Variants in SLC6A16 observed in about 807,000 individuals in gnomAD.
The protein encoded by SLC6A16 is orphan sodium- and chloride-dependent neurotransmitter transporter NTT5.
In SLC6A16, 54 loss-of-function variants were observed where a neutral mutation model predicts 65.4. The ratio of observed to expected loss-of-function variants is 0.83; its 90% CI spans 0.66 to 1.04. The LOEUF (loss-of-function observed/expected upper bound fraction) is 1.04. Among genes scored for constraint, SLC6A16 ranks in the 50% least tolerant of loss-of-function variants. SLC6A16 has a pLI of 0.00. For missense variants in SLC6A16, 816 were observed against 914.0 expected (o/e 0.89, Z 1.38); for synonymous variants, 330 against 346.5 (o/e 0.95, Z 0.53).
intron 7 of SLC6A16, among the ~76,000 whole-genome samples, chr19:49,308,279 T>C (rs1180444989): frequency 6.6e-6 from 1 of 152,048 alleles, no homozygotes; most frequent in Non-Finnish European, 1.5e-5. Flanking sequence ...GGTGAAACCC[T>C]GTCTTTACTA....
chr19:49,290,292 C>T lies in SLC6A16; in HGVS notation c.2042G>A (p.Cys681Tyr). 6.2e-7 allele frequency: 1 copy of T among 1,613,962 alleles called. No individual in the cohort carries two copies. Among genetic ancestry groups the T allele is most frequent in the Non-Finnish European group, 8.5e-7 (1 of 1,180,020 alleles). The part of the protein sequence containing the change: ...ILPIPAYFVY[C>Y]RIHRIPFRPK... ...CCTGAAGGGAATCCTATGTATGCGG[C>T]AGTATACAAAGTATGCAGGGATGGG... The change falls in exon 12 of 12, where the codon TGC (cysteine) becomes TAC (tyrosine). Residue 681 changes from cysteine (C) to tyrosine (Y), a missense_variant. Cys to Tyr is a radical substitution (Grantham distance 194). Coordinates refer to ENST00000335875, the MANE Select transcript of SLC6A16 (RefSeq NM_014037.3).
the SLC6A16 span, chr19:49,335,822 CA>C: frequency 6.5e-7 from 1 of 1,530,054 alleles, no homozygotes; most frequent in South Asian, 1.1e-5. This position sits in a 1 kb window ranked among gnomAD's most constrained non-coding sequence, Gnocchi z 4.6. Context: ...GGGCCTCCCC[CA>C]ACCCAAGCAA....
intron 1 of SLC6A16, among the ~76,000 whole-genome samples, chr19:49,319,619 G>A (rs894739621): frequency 2.0e-5 from 3 of 151,732 alleles, no homozygotes; most frequent in Non-Finnish European, 4.4e-5. Flanking sequence ...AATAATAACT[G>A]GAGACTTTAA....
upstream of SLC6A16, among the ~76,000 whole-genome samples, chr19:49,330,206 G>A (rs1970835336): frequency 6.6e-6 from 1 of 152,176 alleles, no homozygotes; most frequent in Admixed American, 6.6e-5. Flanking sequence ...GTGTGCAGGA[G>A]GTGGGAGGGA....
Position 49,290,204 on chromosome 19 carries a change from T to A in SLC6A16, c.2130A>T (p.Thr710=). The change falls in exon 12 of 12, where the codon ACA becomes ACT. Residue 710 remains threonine, a synonymous_variant. Coordinates refer to ENST00000335875, the MANE Select transcript of SLC6A16 (RefSeq NM_014037.3). ...STSLPLSHQL[T]PSKEVQKEEI... The stretch of plus-strand genomic sequence containing the variant: ...CTTCCTTTTGAACCTCTTTACTGGG[T>A]GTTAGCTGGTGACTTAGGGGTAGGG... 6.2e-7 allele frequency: 1 copy of A among 1,614,082 alleles called. No homozygotes were observed. The highest frequency in any genetic ancestry group is 1.3e-5 in the African/African-American group (1 of 75,000).
chr19:49,316,170 C>T (rs1970610451), intron 1 of SLC6A16, among the ~76,000 whole-genome samples: 1 of 151,960 alleles, frequency 6.6e-6, no homozygotes, highest in Non-Finnish European at 1.5e-5. Flanking sequence ...AATAATAATG[C>T]CACTTATAAA....
chr19:49,317,684 T>C (rs1210173178), intron 1 of SLC6A16, among the ~76,000 whole-genome samples: 2 of 151,906 alleles, frequency 1.3e-5, no homozygotes, highest in Non-Finnish European at 1.5e-5. Context: ...CGGGCGCCTG[T>C]AGTCCCAGCT....
At chr19:49,339,899 A>C in the SLC6A16 span, 1 of 1,344,698 alleles carries the variant, frequency 7.4e-7, no homozygotes, top group South Asian at 1.6e-5. The surrounding 1 kb of genome is among the most constrained non-coding windows in gnomAD (Gnocchi z 4.5). Flanking sequence ...CTGTGGGTTC[A>C]AGACGAGGAC....
At chr19:49,294,592 C>A (rs1006401672) in intron 7 of SLC6A16, 39 bp from the exon 8 acceptor site, 1 of 1,523,464 alleles carries the variant, frequency 6.6e-7, no homozygotes, top group Non-Finnish European at 8.9e-7. Flanking sequence ...ACCATTTGGC[C>A]CAGTAGGAGA....
intron 7 of SLC6A16, among the ~76,000 whole-genome samples, chr19:49,296,651 A>T (rs1424481510): frequency 6.6e-6 from 1 of 152,208 alleles, no homozygotes; most frequent in Non-Finnish European, 1.5e-5. Flanking sequence ...TGAAATAGAT[A>T]TCTAAACAGA....
At chr19:49,306,682 A>G (rs989377878) in intron 7 of SLC6A16, among the ~76,000 whole-genome samples, 4 of 151,846 alleles carry the variant, frequency 2.6e-5, no homozygotes, top group Non-Finnish European at 5.9e-5. Flanking sequence ...AGCTGGGACT[A>G]CAGGTGTGTG....
At chr19:49,314,726 C>T (rs1416263096) in intron 1 of SLC6A16, among the ~76,000 whole-genome samples, 1 of 152,180 alleles carries the variant, frequency 6.6e-6, no homozygotes, top group Non-Finnish European at 1.5e-5. Context: ...AGCACAACAT[C>T]ATTTCTGTGG....
chr19:49,339,205 G>C, the SLC6A16 span: 1 of 841,838 alleles, frequency 1.2e-6, no homozygotes. This position sits in a 1 kb window ranked among gnomAD's most constrained non-coding sequence, Gnocchi z 4.5. Context: ...GGAGACTAGA[G>C]TGCCCTGGTG....
At chr19:49,309,894 C>T in intron 4 of SLC6A16, 68 bp from the exon 5 acceptor site, 1 of 1,561,310 alleles carries the variant, frequency 6.4e-7, no homozygotes, top group Non-Finnish European at 8.8e-7. Flanking sequence ...ATCCCCTCCC[C>T]CACCTCCCTT....
At chr19:49,304,121 T>A (rs1460852120) in intron 7 of SLC6A16, among the ~76,000 whole-genome samples, 1 of 152,178 alleles carries the variant, frequency 6.6e-6, no homozygotes, top group Non-Finnish European at 1.5e-5. Context: ...CAAATATGAA[T>A]GATTGATCAG....
intron 1 of SLC6A16, among the ~76,000 whole-genome samples, chr19:49,311,646 C>T (rs1388648483): frequency 6.6e-6 from 1 of 151,766 alleles, no homozygotes; most frequent in Non-Finnish European, 1.5e-5. Context: ...GTCAGGAGTT[C>T]GAGACCAGCC....
At position 49,313,072 on chromosome 19, in the gene SLC6A16, C is replaced by CAAAAA. The variant is rs5828385; in HGVS notation, c.-64-1666_-64-1662dup. 2.0e-4 allele frequency among the ~76,000 whole-genome samples: 19 copies of CAAAAA among 95,770 alleles called. 1 individual carries two copies. The highest frequency in any genetic ancestry group is 9.5e-4 in the African/African-American group (18 of 18,970). The allele number at this position is 95,770 out of a possible 152,430, so 62.8% of individuals were successfully genotyped here. A position where few individuals can be genotyped will look rare whatever the true frequency, so the allele number is the denominator to read the frequency against. ...CACTCCAGCCTGGGCAACCCTGTCT[C>CAAAAA]AAAAAAAAAAAAAAAAAAAAAAAGA... On this transcript the variant is annotated intron_variant, in intron 1 of 11. Coordinates refer to ENST00000335875, the MANE Select transcript of SLC6A16 (RefSeq NM_014037.3).
chr19:49,309,138 A>G (rs753314295), intron 6 of SLC6A16, 21 bp from the exon 7 acceptor site: 2 of 1,611,740 alleles, frequency 1.2e-6, no homozygotes, highest in Admixed American at 3.3e-5. Flanking sequence ...GAAGACAAGC[A>G]TAAGGGGGTT....
At chr19:49,298,141 T>C (rs1009287664) in intron 7 of SLC6A16, among the ~76,000 whole-genome samples, 3 of 152,134 alleles carry the variant, frequency 2.0e-5, no homozygotes, top group African/African-American at 7.2e-5. Flanking sequence ...GAATTCCCCA[T>C]TAGATATATT....
Sources: gnomAD v4.1 joint callset for allele counts (sites outside exome capture counted in the v4.1 genomes callset) on GRCh38, gnomAD v4.1.1 for gene constraint, Gnocchi (gnomAD v3.1) non-coding constraint, MANE v1.5 for transcripts, NCBI Gene and HGNC (gene_info 2026-07-23, HGNC 2026-07-21) for gene names.